Variants in MPIG6B observed in about 807,000 individuals in gnomAD.
MPIG6B encodes the protein immunoglobulin receptor.
MPIG6B carries 22 observed loss-of-function variants against 24.2 expected under a neutral mutation model. That is an observed-to-expected ratio of 0.91 (90% CI 0.65 to 1.30). The LOEUF (loss-of-function observed/expected upper bound fraction) is 1.30, where lower values mean the gene tolerates loss of function less well. MPIG6B is among the 50% of genes most tolerant of loss of function. MPIG6B has a pLI of 0.00. For synonymous variants in MPIG6B, 136 were observed against 142.0 expected (o/e 0.96, Z 0.30); for missense variants, 301 against 318.5 (o/e 0.94, Z 0.42).
Position 31,725,151 on chromosome 6 carries a change from C to CTTCCAGGTGAGGA in MPIG6B, c.*77_*78insTTCCAGGTGAGGA. On this transcript the variant is annotated 3_prime_UTR_variant, in exon 6 of 6. Coordinates refer to ENST00000649779, the MANE Select transcript of MPIG6B (RefSeq NM_138272.3). The surrounding 1 kb of genome is among the most constrained non-coding windows in gnomAD (Gnocchi z 5.2). ...AATCCCTCTCCCCTCCTTGGTTCCT[C>CTTCCAGGTGAGGA]ACCTGGAAGAGGAAGGCACCATGGT... 2 of 1,090,386 alleles carry CTTCCAGGTGAGGA rather than the reference C, an allele frequency of 1.8e-6. No homozygotes were observed. The highest frequency in any genetic ancestry group is 2.8e-6 in the Non-Finnish European group (2 of 721,938). 67.5% of individuals were successfully genotyped at this position (1,090,386 alleles called of 1,614,324 possible).
rs753090851 is a variant in MPIG6B, at chr6:31,724,146, C to G, written c.414C>G (p.Ser138=). 2 of 1,612,516 alleles carry G rather than the reference C, an allele frequency of 1.2e-6. No homozygotes were observed. The highest frequency in any genetic ancestry group is 1.7e-6 in the Non-Finnish European group (2 of 1,179,520). The change falls in exon 3 of 6, where the codon TCC becomes TCG. Residue 138 remains serine (S), a synonymous_variant. Transcript: ENST00000649779. ...CCCGCCACGCCTTTCCCCCAGGGTC[C>G]GTGTATCCCCAGCTCCTGATCCCGC... ...YCKAPGPTHG[S]VYPQLLIPLL...
In MPIG6B at chr6:31,723,472, A is replaced by C; in HGVS notation, c.61+28A>C. The C allele has an allele frequency of 6.2e-7, 1 of 1,602,898 alleles. No homozygotes were observed. The highest frequency in any genetic ancestry group is 8.5e-7 in the Non-Finnish European group (1 of 1,170,616). On this transcript the variant is annotated intron_variant, in intron 1 of 5. Transcript: ENST00000649779. The surrounding 1 kb of genome is among the most constrained non-coding windows in gnomAD (Gnocchi z 4.3). ...AAGCGATCCCTGGGAGAGTTGTGAT[A>C]GACGCAGAGGGGCTGAAGCAAGATA...
rs755243725 is a variant in MPIG6B, at chr6:31,723,377, C to T, written c.-7C>T. 11 of 1,611,954 alleles carry T rather than the reference C, an allele frequency of 6.8e-6. No individual in the cohort carries two copies. In the African/African-American group the frequency reaches 1.3e-4, roughly 20 times the overall value. ...CGCTCGCAGCTTCTCCTCACCACAT[C>T]CTAACCATGGCTGTGTTTCTGCAGC... On this transcript the variant is annotated 5_prime_UTR_variant, in exon 1 of 6. Coordinates refer to ENST00000649779, the MANE Select transcript of MPIG6B (RefSeq NM_138272.3). The surrounding 1 kb of genome is among the most constrained non-coding windows in gnomAD (Gnocchi z 4.3).
intron 3 of MPIG6B, 21 bp downstream of exon 3, chr6:31,724,253 C>G: frequency 6.3e-7 from 1 of 1,591,136 alleles, no homozygotes; most frequent in African/African-American, 1.3e-5. Flanking sequence ...GGGACCCGGC[C>G]TCGTTAAATG....
upstream of MPIG6B, among the ~76,000 whole-genome samples, chr6:31,722,622 C>T (rs543520000): frequency 2.7e-4 from 41 of 152,012 alleles, 1 homozygote; most frequent in Middle Eastern, 3.4e-3. Flanking sequence ...TTTGGGAGGC[C>T]GAGGTGGGTG....
chr6:31,721,554 C>T (rs1311759210), upstream of MPIG6B: 23 of 1,419,264 alleles, frequency 1.6e-5, no homozygotes, highest in Non-Finnish European at 2.2e-5. Flanking sequence ...GTGGGTAGGG[C>T]CGGGAAGTGG....
At chr6:31,724,399 G>T in intron 3 of MPIG6B, 167 bp downstream of exon 3, 1 of 745,594 alleles carries the variant, frequency 1.3e-6, no homozygotes. Context: ...GGTGAGTAGA[G>T]CCCCACCAGA....
Position 31,724,180 on chromosome 6 carries a change from G to T in MPIG6B, c.448G>T (p.Ala150Ser), listed in dbSNP as rs985453732. The change falls in exon 3 of 6, where the codon GCT becomes TCT. Residue 150 changes from alanine to serine, a missense_variant. By Grantham distance (99) the Ala-to-Ser change is moderately conservative (BLOSUM62 1). Transcript: ENST00000649779. ...YPQLLIPLLG[A>S]GLVLGLGALG... is the part of the protein sequence containing the mutation. Reference sequence around the variant, plus strand: ...CCAGCTCCTGATCCCGCTGCTGGGCGCTGGGTTGGTGCTCGGACTGGGAGC... The same window carrying T: ...CCAGCTCCTGATCCCGCTGCTGGGCTCTGGGTTGGTGCTCGGACTGGGAGC... 6.2e-7 allele frequency: 1 copy of T among 1,613,278 alleles called. No individual in the cohort carries two copies. Among genetic ancestry groups the T allele is most frequent in the South Asian group, 1.1e-5 (1 of 91,006 alleles).
upstream of MPIG6B, chr6:31,721,485 G>C (rs559648748): frequency 4.7e-6 from 3 of 645,138 alleles, no homozygotes; most frequent in South Asian, 6.9e-5. Flanking sequence ...GGGAAGCCTG[G>C]TCTTGGTGGC....
Position 31,725,273 on chromosome 6 carries a change from A to C in MPIG6B, c.*199A>C. The stretch of plus-strand genomic sequence containing the variant: ...TAAACTTACTCCCATCTCTCCTATA[A>C]CCTCCATGTCTCCCTCACCACCAGT... On this transcript the variant is annotated 3_prime_UTR_variant, in exon 6 of 6. Coordinates refer to ENST00000649779, the MANE Select transcript of MPIG6B (RefSeq NM_138272.3). The surrounding 1 kb of genome is among the most constrained non-coding windows in gnomAD (Gnocchi z 5.2). 1 of 571,400 alleles carries C rather than the reference A, an allele frequency of 1.8e-6. No individual in the cohort carries two copies. The highest frequency in any genetic ancestry group is 2.2e-5 in the South Asian group (1 of 46,118). The allele number at this position is 571,400 out of a possible 1,614,324, so 35.4% of individuals were successfully genotyped here. A position where few individuals can be genotyped will look rare whatever the true frequency, so the allele number is the denominator to read the frequency against.
chr6:31,724,610 G>A lies in MPIG6B; in HGVS notation c.524G>A (p.Arg175Gln). ...LHRRLPPQPI[R>Q]PLPRFAPLVK... The stretch of plus-strand genomic sequence containing the variant: ...AGGCGCCTGCCCCCGCAACCGATTC[G>A]ACCACTCCCTAGATTTGGTGAGACT... The change falls in exon 4 of 6, where the codon CGA becomes CAA. Residue 175 changes from arginine to glutamine, a missense_variant. Transcript: ENST00000649779. The A allele has an allele frequency of 2.5e-6, 4 of 1,613,822 alleles. No individual in the cohort carries two copies. Among genetic ancestry groups the A allele is most frequent in the South Asian group, 1.1e-5 (1 of 91,076 alleles).
chr6:31,720,605 A>G (rs1362478837), upstream of MPIG6B, among the ~76,000 whole-genome samples: 1 of 152,188 alleles, frequency 6.6e-6, no homozygotes, highest in Non-Finnish European at 1.5e-5. The surrounding 1 kb of genome is among the most constrained non-coding windows in gnomAD (Gnocchi z 4.9). Flanking sequence ...AATGAAAATC[A>G]TGAGGGTTAC....
In MPIG6B at chr6:31,723,484, G is replaced by A; in HGVS notation, c.61+40G>A. The A allele has an allele frequency of 8.8e-6, 14 of 1,586,780 alleles. No individual in the cohort carries two copies. The highest frequency in any genetic ancestry group is 1.2e-5 in the Non-Finnish European group (14 of 1,156,522). Reference sequence around the variant, plus strand: ...GGAGAGTTGTGATAGACGCAGAGGGGCTGAAGCAAGATAAGGGCCGCCTAG... The same window carrying A: ...GGAGAGTTGTGATAGACGCAGAGGGACTGAAGCAAGATAAGGGCCGCCTAG... On this transcript the variant is annotated intron_variant, in intron 1 of 5. Transcript: ENST00000649779. This position sits in a 1 kb window ranked among gnomAD's most constrained non-coding sequence, Gnocchi z 4.3.
chr6:31,725,347 G>C lies in MPIG6B; in HGVS notation c.*273G>C, dbSNP rs1005690541. The C allele has an allele frequency of 3.2e-6, 1 of 307,848 alleles. No homozygotes were observed. Among genetic ancestry groups the C allele is most frequent in the African/African-American group, 3.7e-5 (1 of 26,972 alleles). 19.1% of individuals were successfully genotyped at this position (307,848 alleles called of 1,614,324 possible). ...CCTAGCTCCTTTTTTTTTTTTTTTT[G>C]AGACGGAGTCTCGCTCTGTTGCCCA... On this transcript the variant is annotated 3_prime_UTR_variant, in exon 6 of 6. Coordinates refer to ENST00000649779, the MANE Select transcript of MPIG6B (RefSeq NM_138272.3). This position sits in a 1 kb window ranked among gnomAD's most constrained non-coding sequence, Gnocchi z 5.2.
Position 31,724,981 on chromosome 6 carries a change from T to C in MPIG6B, c.633T>C (p.Tyr211=), listed in dbSNP as rs765250013. The change falls in exon 6 of 6, where the codon TAT becomes TAC. Residue 211 remains tyrosine, a synonymous_variant. Transcript: ENST00000649779. ...CCTTCCTCCTCCAGAGCCTGCTCTA[T>C]GCGGATCTGGACCATCTAGCCCTCA... The part of the protein sequence containing the change: ...GDLDQEPSLL[Y]ADLDHLALSR... 1 of 1,613,526 alleles carries C rather than the reference T, an allele frequency of 6.2e-7. No individual in the cohort carries two copies. Among genetic ancestry groups the C allele is most frequent in the Non-Finnish European group, 8.5e-7 (1 of 1,179,640 alleles).
chr6:31,725,146 T>G lies in MPIG6B; in HGVS notation c.*72T>G. On this transcript the variant is annotated 3_prime_UTR_variant, in exon 6 of 6. Transcript: ENST00000649779. This position sits in a 1 kb window ranked among gnomAD's most constrained non-coding sequence, Gnocchi z 5.2. ...CCCATAATCCCTCTCCCCTCCTTGG[T>G]TCCTCACCTGGAAGAGGAAGGCACC... 8.8e-7 allele frequency: 1 copy of G among 1,134,252 alleles called. No homozygotes were observed. Among genetic ancestry groups the G allele is most frequent in the Non-Finnish European group, 1.3e-6 (1 of 759,008 alleles). 70.3% of individuals were successfully genotyped at this position (1,134,252 alleles called of 1,614,324 possible). A position where few individuals can be genotyped will look rare whatever the true frequency, so the allele number is the denominator to read the frequency against.
upstream of MPIG6B, among the ~76,000 whole-genome samples, chr6:31,720,689 T>C (rs1469078815): frequency 6.6e-6 from 1 of 152,108 alleles, no homozygotes; most frequent in Non-Finnish European, 1.5e-5. This position sits in a 1 kb window ranked among gnomAD's most constrained non-coding sequence, Gnocchi z 4.9. Context: ...CAATTTACAA[T>C]TTACTCTTCA....
rs148282893 is a variant in MPIG6B at position 31,723,762 on chromosome 6, C to T, written c.185C>T (p.Pro62Leu). The T allele has an allele frequency of 5.7e-5, 92 of 1,613,754 alleles. No homozygotes were observed. Among genetic ancestry groups the T allele is most frequent in the Middle Eastern group, 1.6e-4 (1 of 6,082 alleles). ...AAGGGCCTGTCCAAAGGACGCCGAC[C>T]GATCCTGTGGGCCTCTTCGAGCGGG... ...ACKGLSKGRR[P>L]ILWASSSGTP... is the part of the protein sequence containing the mutation. The change falls in exon 2 of 6, where the codon CCG (proline) becomes CTG (leucine). Residue 62 changes from proline to leucine, a missense_variant. By Grantham distance (98) the Pro-to-Leu change is moderately conservative. Coordinates refer to ENST00000649779, the MANE Select transcript of MPIG6B (RefSeq NM_138272.3). The surrounding 1 kb of genome is among the most constrained non-coding windows in gnomAD (Gnocchi z 4.3).
At position 31,723,842 on chromosome 6, in the gene MPIG6B, T is replaced by G; in HGVS notation, c.265T>G (p.Ser89Ala). 6.2e-7 allele frequency: 1 copy of G among 1,610,808 alleles called. No homozygotes were observed. ...PFVGRLRSLD[S>A]GIRRLELLLS... is the part of the protein sequence containing the mutation. The stretch of plus-strand genomic sequence containing the variant: ...CGTCGGCCGCCTACGCTCCCTGGAC[T>G]CTGGTATCCGGCGGCTGGAGCTCCT... The change falls in exon 2 of 6, where the codon TCT (serine) becomes GCT (alanine). Residue 89 changes from serine (S) to alanine (A), a missense_variant. Transcript: ENST00000649779. This position sits in a 1 kb window ranked among gnomAD's most constrained non-coding sequence, Gnocchi z 4.3.
Sources: allele counts gnomAD v4.1 joint callset (sites outside exome capture counted in the v4.1 genomes callset), GRCh38; gene constraint gnomAD v4.1.1; non-coding constraint Gnocchi (gnomAD v3.1); transcripts MANE v1.5; gene names NCBI Gene and HGNC (gene_info 2026-07-23, HGNC 2026-07-21).